The following TSPAN18 variants were observed in gnomAD, a reference collection of about 807,000 sequenced individuals.
The protein encoded by TSPAN18 is tetraspanin-18.
In TSPAN18, 14 loss-of-function variants were observed where a neutral mutation model predicts 27.3. The observed-to-expected ratio is 0.51, with a 90% CI of 0.34 to 0.80. The LOEUF (loss-of-function observed/expected upper bound fraction) is 0.80. Ranked by LOEUF, TSPAN18 falls within the 30% of genes least tolerant of loss-of-function variation. The pLI is 0.01. For missense variants in TSPAN18, 268 were observed against 323.9 expected (o/e 0.83, Z 1.32); for synonymous variants, 143 against 136.5 (o/e 1.05, Z -0.33).
intron 5 of TSPAN18, among the ~76,000 whole-genome samples, chr11:44,912,111 T>G (rs1214001736): frequency 6.6e-6 from 1 of 151,628 alleles, no homozygotes; most frequent in East Asian, 1.9e-4. Flanking sequence ...AGCCTCAACC[T>G]CCTAGCCTCA....
At chr11:44,727,353 C>G (rs1345686312) in intron 1 of TSPAN18, 66 bp downstream of exon 1, 1 of 152,462 alleles carries the variant, frequency 6.6e-6, no homozygotes, top group Admixed American at 6.5e-5. Context: ...CCTGGGGACC[C>G]CCCCGCGCGC....
At chr11:44,736,249 T>C (rs1056969194) in intron 1 of TSPAN18, 19 of 152,208 alleles carry the variant, frequency 1.2e-4, no homozygotes, top group Non-Finnish European at 2.9e-5. Flanking sequence ...GCTAAGTGTT[T>C]GCCAGTCGTG....
intron 1 of TSPAN18, among the ~76,000 whole-genome samples, chr11:44,757,728 T>C (rs553871292): frequency 7.2e-5 from 11 of 152,324 alleles, no homozygotes; most frequent in East Asian, 3.9e-4. Context: ...TGTTTAGTGA[T>C]GTTGAGCATA....
chr11:44,798,567 C>A (rs1029217473), intron 2 of TSPAN18, among the ~76,000 whole-genome samples: 1 of 152,188 alleles, frequency 6.6e-6, no homozygotes, highest in African/African-American at 2.4e-5. Context: ...TCTGGGGGCC[C>A]CAAATTTGGT....
intron 1 of TSPAN18, among the ~76,000 whole-genome samples, chr11:44,749,155 A>G: frequency 6.6e-6 from 1 of 152,222 alleles, no homozygotes; most frequent in East Asian, 1.9e-4. Context: ...GTGGAGTGGA[A>G]AGACACAGGA....
At chr11:44,904,718 G>A (rs2135321751) in intron 3 of TSPAN18, among the ~76,000 whole-genome samples, 1 of 152,366 alleles carries the variant, frequency 6.6e-6, no homozygotes, top group South Asian at 2.1e-4. Flanking sequence ...TGGCCCAGCA[G>A]GTGAGAGGCA....
chr11:44,843,738 A>G (rs1295273045), intron 2 of TSPAN18, among the ~76,000 whole-genome samples: 2 of 152,238 alleles, frequency 1.3e-5, no homozygotes, highest in Admixed American at 1.3e-4. Flanking sequence ...CATGCTGAGA[A>G]AAAGAATTCA....
At chr11:44,784,055 A>G (rs1434864409) in intron 2 of TSPAN18, among the ~76,000 whole-genome samples, 1 of 152,150 alleles carries the variant, frequency 6.6e-6, no homozygotes, top group Non-Finnish European at 1.5e-5. Context: ...TTAGAATCCC[A>G]TCCCTTGGGA....
intron 2 of TSPAN18, among the ~76,000 whole-genome samples, chr11:44,804,981 G>C (rs944606037): frequency 2.6e-5 from 4 of 152,214 alleles, no homozygotes; most frequent in African/African-American, 9.6e-5. Flanking sequence ...AAGTCAGTTT[G>C]TGGAGAAATA....
intron 3 of TSPAN18, among the ~76,000 whole-genome samples, chr11:44,891,421 A>G (rs1858846788): frequency 6.6e-6 from 1 of 152,142 alleles, no homozygotes; most frequent in African/African-American, 2.4e-5. Context: ...GTCAGCGGAG[A>G]GTGGACACAC....
At chr11:44,822,990 T>C (rs979493491) in intron 2 of TSPAN18, among the ~76,000 whole-genome samples, 1 of 152,236 alleles carries the variant, frequency 6.6e-6, no homozygotes, top group Middle Eastern at 3.2e-3. Flanking sequence ...TCTCCCTGAC[T>C]TGCAATGAGG....
rs1855105254 is a variant in TSPAN18, at chr11:44,747,397, G to A, written c.-239-17029G>A. On this transcript the variant is annotated intron_variant, in intron 1 of 9. Transcript: ENST00000520358. ...GGACCAAGGGACTTCCCTCCTCTAA[G>A]ACTCAGTAGGCTTATCTGGAAAATG... is the stretch of plus-strand genomic sequence containing the variant. Among the ~76,000 whole-genome samples the A allele has an allele frequency of 2.0e-5, 3 of 152,194 alleles. No homozygotes were observed. In the South Asian group the frequency reaches 6.2e-4, roughly 32 times the overall value.
chr11:44,768,872 A>T (rs1310992499), intron 2 of TSPAN18, among the ~76,000 whole-genome samples: 1 of 148,714 alleles, frequency 6.7e-6, no homozygotes, highest in Non-Finnish European at 1.5e-5. Context: ...GATTGTTGAT[A>T]TGATGGATTA....
chr11:44,918,623 C>T (rs1220631815), intron 6 of TSPAN18, among the ~76,000 whole-genome samples: 1 of 127,360 alleles, frequency 7.9e-6, no homozygotes, highest in Non-Finnish European at 1.6e-5. Context: ...AGGAGGCGGG[C>T]GGGGAGGGTA....
chr11:44,816,952 T>C (rs1590521955), intron 2 of TSPAN18, among the ~76,000 whole-genome samples: 1 of 152,238 alleles, frequency 6.6e-6, no homozygotes, highest in African/African-American at 2.4e-5. Flanking sequence ...GAGGCAACTT[T>C]CTGGTCAGGG....
At chr11:44,769,621 T>G (rs955301538) in intron 2 of TSPAN18, among the ~76,000 whole-genome samples, 1 of 152,210 alleles carries the variant, frequency 6.6e-6, no homozygotes, top group Non-Finnish European at 1.5e-5. Flanking sequence ...GATTGTGTCT[T>G]TCTAGGAATT....
chr11:44,807,543 A>AG (rs1468017537), intron 2 of TSPAN18, among the ~76,000 whole-genome samples: 1 of 151,398 alleles, frequency 6.6e-6, no homozygotes, highest in Non-Finnish European at 1.5e-5. Context: ...AAAAAAAAAA[A>AG]AAAAAAAAGA....
At chr11:44,800,213 G>C (rs901964465) in intron 2 of TSPAN18, among the ~76,000 whole-genome samples, 5 of 152,014 alleles carry the variant, frequency 3.3e-5, no homozygotes, top group Admixed American at 1.3e-4. Context: ...TCTCCCCAGG[G>C]CACGTGCTTT....
chr11:44,851,294 G>T (rs1178667419), intron 2 of TSPAN18, among the ~76,000 whole-genome samples: 1 of 152,166 alleles, frequency 6.6e-6, no homozygotes, highest in Non-Finnish European at 1.5e-5. Context: ...CTCCCTGGAT[G>T]TCACACTTCC....
Sources: gnomAD v4.1 joint callset for allele counts (sites outside exome capture counted in the v4.1 genomes callset) on GRCh38, gnomAD v4.1.1 for gene constraint, MANE v1.5 for transcripts, NCBI Gene and HGNC (gene_info 2026-07-23, HGNC 2026-07-21) for gene names.